The following KCNJ6 variants were observed in gnomAD, a reference collection of about 807,000 sequenced individuals.
KCNJ6 encodes the protein potassium inwardly rectifying channel subfamily J member 6, also known as G protein-activated inward rectifier potassium channel 2.
Under a neutral mutation model 34.2 loss-of-function variants are expected in KCNJ6, and 9 were observed. The observed-to-expected ratio is 0.26, with a 90% CI of 0.16 to 0.46. KCNJ6 has a LOEUF of 0.46. Among genes scored for constraint, KCNJ6 ranks in the 20% least tolerant of loss-of-function variants. The pLI is 1.00. For missense variants in KCNJ6, 236 were observed against 531.3 expected (o/e 0.44, Z 5.46); for synonymous variants, 196 against 207.1 (o/e 0.95, Z 0.46).
intron 2 of KCNJ6, among the ~76,000 whole-genome samples, chr21:37,771,585 T>G (rs937020313): frequency 7.9e-5 from 12 of 152,204 alleles, no homozygotes; most frequent in African/African-American, 2.9e-4. Context: ...GTGAGGTATC[T>G]GCTCATTAGT....
intron 1 of KCNJ6, among the ~76,000 whole-genome samples, chr21:37,884,249 C>T (rs76626972): frequency 2.0e-3 from 301 of 152,286 alleles, no homozygotes; most frequent in Non-Finnish European, 3.5e-3. Flanking sequence ...CTTAAGAATG[C>T]ATCAAGTAGC....
intron 2 of KCNJ6, among the ~76,000 whole-genome samples, chr21:37,756,255 T>C (rs539810030): frequency 6.6e-6 from 1 of 152,134 alleles, no homozygotes; most frequent in Non-Finnish European, 1.5e-5. Flanking sequence ...ATAAAAGAAA[T>C]AATACCACAG....
intron 2 of KCNJ6, among the ~76,000 whole-genome samples, chr21:37,801,753 T>A (rs957523345): frequency 6.6e-6 from 1 of 152,104 alleles, no homozygotes; most frequent in Non-Finnish European, 1.5e-5. Context: ...AAATCATCCT[T>A]ATTGAAGTGG....
At chr21:37,680,166 G>A (rs958084069) in intron 3 of KCNJ6, among the ~76,000 whole-genome samples, 2 of 276 alleles carry the variant, frequency 7.2e-3, no homozygotes, top group African/African-American at 0.034. Flanking sequence ...ACAACAGCTT[G>A]TTTTCAACTA....
chr21:37,869,995 G>A (rs944240408), intron 1 of KCNJ6, among the ~76,000 whole-genome samples: 2 of 152,226 alleles, frequency 1.3e-5, no homozygotes, highest in Non-Finnish European at 2.9e-5. Context: ...GGTAGGCCAA[G>A]ACAAGGCATT....
intron 2 of KCNJ6, among the ~76,000 whole-genome samples, chr21:37,782,388 C>T (rs777241043): frequency 6.6e-6 from 1 of 152,164 alleles, no homozygotes; most frequent in South Asian, 2.1e-4. Flanking sequence ...AATGTACACA[C>T]ATAATATATA....
At chr21:37,853,715 TAG>T (rs1306900504) in intron 1 of KCNJ6, among the ~76,000 whole-genome samples, 1 of 151,626 alleles carries the variant, frequency 6.6e-6, no homozygotes, top group Non-Finnish European at 1.5e-5. Flanking sequence ...TTAATATATG[TAG>T]AGGAAATATT....
At chr21:37,807,626 C>T (rs989136355) in intron 2 of KCNJ6, among the ~76,000 whole-genome samples, 2 of 152,226 alleles carry the variant, frequency 1.3e-5, no homozygotes, top group African/African-American at 4.8e-5. Context: ...TAACATGCTA[C>T]ACAGGCTTGT....
intron 2 of KCNJ6, among the ~76,000 whole-genome samples, chr21:37,818,369 A>T (rs1183035859): frequency 6.6e-6 from 1 of 152,130 alleles, no homozygotes; most frequent in Non-Finnish European, 1.5e-5. Flanking sequence ...CATTATCTAA[A>T]AGGCGGGCAG....
intron 2 of KCNJ6, among the ~76,000 whole-genome samples, chr21:37,835,676 C>T (rs543022798): frequency 3.3e-5 from 5 of 152,328 alleles, no homozygotes; most frequent in African/African-American, 4.8e-5. Context: ...GATGATGGCA[C>T]GGTTTGGGTC....
Position 37,696,745 on chromosome 21 carries a change from G to C in KCNJ6, c.946+17466C>G, listed in dbSNP as rs556557881. Among the ~76,000 whole-genome samples the C allele has an allele frequency of 3.3e-5, 5 of 152,272 alleles. No individual in the cohort carries two copies. In the South Asian group the frequency reaches 8.3e-4, roughly 25 times the overall value. On this transcript the variant is annotated intron_variant, in intron 3 of 3. Coordinates refer to ENST00000609713, the MANE Select transcript of KCNJ6 (RefSeq NM_002240.5). Reference sequence around the variant, plus strand: ...AATCACACTGTGGTTTTGTAAGACTGTCTTCACTTTTACATAACTGCATCA... The same window carrying C: ...AATCACACTGTGGTTTTGTAAGACTCTCTTCACTTTTACATAACTGCATCA...
intron 1 of KCNJ6, among the ~76,000 whole-genome samples, chr21:37,853,388 C>A (rs1049390771): frequency 7.7e-6 from 1 of 130,190 alleles, no homozygotes; most frequent in African/African-American, 3.6e-5. Context: ...TTTTCAACCA[C>A]TGGGAAAAAA....
chr21:37,846,893 C>G (rs1302806639), intron 1 of KCNJ6, among the ~76,000 whole-genome samples: 1 of 152,150 alleles, frequency 6.6e-6, no homozygotes, highest in East Asian at 1.9e-4. Context: ...CTTCCCCCCT[C>G]CTCTTCCCTG....
intron 2 of KCNJ6, among the ~76,000 whole-genome samples, chr21:37,776,300 C>T (rs2055141816): frequency 6.6e-6 from 1 of 152,158 alleles, no homozygotes; most frequent in Non-Finnish European, 1.5e-5. Context: ...CAAACAGGGA[C>T]AATTTGACTT....
At chr21:37,779,281 A>G (rs2055157899) in intron 2 of KCNJ6, among the ~76,000 whole-genome samples, 1 of 152,088 alleles carries the variant, frequency 6.6e-6, no homozygotes, top group South Asian at 2.1e-4. Context: ...TTCACAAATA[A>G]TGAAACTCAT....
At chr21:37,715,231 C>G (rs2054784202) in intron 2 of KCNJ6, 100 bp from the exon 3 acceptor site, 1 of 1,009,492 alleles carries the variant, frequency 9.9e-7, no homozygotes, top group Non-Finnish European at 1.4e-6. Context: ...AACCAAATAC[C>G]ATTTGTGTAG....
intron 2 of KCNJ6, among the ~76,000 whole-genome samples, chr21:37,838,601 C>T (rs1379059747): frequency 1.3e-5 from 2 of 152,318 alleles, no homozygotes; most frequent in African/African-American, 2.4e-5. Context: ...TGCTCATGTG[C>T]TGTGGATTGT....
At chr21:37,709,345 C>G (rs1008195216) in intron 3 of KCNJ6, among the ~76,000 whole-genome samples, 2 of 151,966 alleles carry the variant, frequency 1.3e-5, no homozygotes, top group South Asian at 2.1e-4. Flanking sequence ...AACCCCATCT[C>G]TACTAAAATT....
chr21:37,711,101 G>C (rs1212846955), intron 3 of KCNJ6, among the ~76,000 whole-genome samples: 3 of 152,188 alleles, frequency 2.0e-5, no homozygotes, highest in Non-Finnish European at 4.4e-5. Flanking sequence ...CATGAAAGGG[G>C]GGCTCGCTTC....
Sources: allele counts gnomAD v4.1 joint callset (sites outside exome capture counted in the v4.1 genomes callset), GRCh38; gene constraint gnomAD v4.1.1; transcripts MANE v1.5; gene names NCBI Gene and HGNC (gene_info 2026-07-23, HGNC 2026-07-21).